NDFIP2: variants seen among roughly 807,000 people sequenced by gnomAD.
NDFIP2 encodes NEDD4 family-interacting protein 2.
NDFIP2 carries 19 observed loss-of-function variants against 36.0 expected under a neutral mutation model. The ratio of observed to expected loss-of-function variants is 0.53; its 90% CI spans 0.37 to 0.77. The LOEUF is 0.77. Ranked by LOEUF, NDFIP2 falls within the 30% of genes least tolerant of loss-of-function variation. The pLI, the probability that NDFIP2 is intolerant of heterozygous loss-of-function variation, is 0.00. For synonymous variants in NDFIP2, 181 were observed against 167.7 expected, an observed-to-expected ratio of 1.08 and a Z score of -0.61; for missense variants, 446 against 435.8, an observed-to-expected ratio of 1.02 and a Z score of -0.21.
intron 1 of NDFIP2, among the ~76,000 whole-genome samples, chr13:79,490,638 A>C (rs142105768): frequency 3.3e-4 from 51 of 152,248 alleles, no homozygotes; most frequent in Non-Finnish European, 1.5e-5. Flanking sequence ...TTGCAAAAAC[A>C]GTGTGCTGGA....
chr13:79,512,448 G>C (rs1205719202), intron 1 of NDFIP2, among the ~76,000 whole-genome samples: 2 of 150,262 alleles, frequency 1.3e-5, no homozygotes, highest in Admixed American at 1.3e-4. Flanking sequence ...ACTGGCTTTT[G>C]AGGAAAAAAA....
chr13:79,507,029 A>T (rs1873894697), intron 1 of NDFIP2, among the ~76,000 whole-genome samples: 1 of 151,932 alleles, frequency 6.6e-6, no homozygotes, highest in South Asian at 2.1e-4. Context: ...GAGATATGAA[A>T]TCCCTGCCAT....
chr13:79,484,356 G>A (rs758882580), intron 1 of NDFIP2, among the ~76,000 whole-genome samples: 9 of 152,122 alleles, frequency 5.9e-5, no homozygotes, highest in Admixed American at 6.5e-5. Context: ...GTACCAAGCT[G>A]ACTTCTAAGA....
At chr13:79,527,933 G>T (rs1040423285) in intron 2 of NDFIP2, among the ~76,000 whole-genome samples, 4 of 152,044 alleles carry the variant, frequency 2.6e-5, no homozygotes, top group African/African-American at 7.2e-5. Context: ...ACCCTTTGTA[G>T]GCCTAAGCTA....
rs1195889229 is a variant in NDFIP2, at chr13:79,481,239, C to G, written c.36C>G (p.Ser12Arg). ...ARRRSQRVCA[S>R]GPSMLNSARG... ...GGCGGAGCCAGCGAGTCTGCGCGAG[C>G]GGTCCGAGCATGCTCAATAGCGCGC... is the stretch of plus-strand genomic sequence containing the variant. The change falls in exon 1 of 8, where the codon AGC (serine) becomes AGG (arginine). Residue 12 changes from serine to arginine, a missense_variant. This residue lies in a region of NDFIP2 where 369 missense variants were observed against 304.8 expected (regional missense o/e 1.21). Transcript: ENST00000218652. 1.3e-6 allele frequency: 2 copies of G among 1,523,286 alleles called. No homozygotes were observed. Among genetic ancestry groups the G allele is most frequent in the Non-Finnish European group, 1.8e-6 (2 of 1,140,782 alleles). The allele number at this position is 1,523,286 out of a possible 1,614,324, so 94.4% of individuals were successfully genotyped here.
rs1365448964 is a variant in NDFIP2 at position 79,556,005 on chromosome 13, T to TGTG, written c.*3492_*3493insGTG. On this transcript the variant is annotated 3_prime_UTR_variant, in exon 8 of 8. Coordinates refer to ENST00000218652, the MANE Select transcript of NDFIP2 (RefSeq NM_019080.3). ...TGGGGTTGCAACATCTTTTAACTTCTCAGTTATTTGTATGTCAGGAGACAG... is the reference window on the plus strand; with the variant it reads ...TGGGGTTGCAACATCTTTTAACTTCTGTGCAGTTATTTGTATGTCAGGAGACAG... 1 of 152,188 alleles carries TGTG rather than the reference T, an allele frequency of 6.6e-6. No individual in the cohort carries two copies. Among genetic ancestry groups the TGTG allele is most frequent in the African/African-American group, 2.4e-5 (1 of 41,460 alleles). 9.4% of individuals were successfully genotyped at this position (152,188 alleles called of 1,614,324 possible).
At chr13:79,487,944 AAAG>A (rs1473335007) in intron 1 of NDFIP2, among the ~76,000 whole-genome samples, 1 of 152,148 alleles carries the variant, frequency 6.6e-6, no homozygotes, top group Non-Finnish European at 1.5e-5. Flanking sequence ...TCTATAATTG[AAAG>A]AAGGAGGTAG....
intron 3 of NDFIP2, among the ~76,000 whole-genome samples, chr13:79,538,961 G>GC (rs1439665902): frequency 6.6e-6 from 1 of 152,194 alleles, no homozygotes; most frequent in East Asian, 1.9e-4. Context: ...GGGTAGCTCT[G>GC]CCCCTGAGGC....
chr13:79,528,127 A>G (rs969480855), intron 2 of NDFIP2, among the ~76,000 whole-genome samples: 14 of 152,124 alleles, frequency 9.2e-5, no homozygotes, highest in South Asian at 6.2e-4. Flanking sequence ...GGGTGTGGCA[A>G]TGCACACCCG....
chr13:79,495,373 GCT>G (rs1320836387), intron 1 of NDFIP2, among the ~76,000 whole-genome samples: 3 of 151,756 alleles, frequency 2.0e-5, no homozygotes, highest in African/African-American at 4.8e-5. Flanking sequence ...TCTAAATTCT[GCT>G]CTCTTATGAA....
At chr13:79,548,840 A>G (rs1594861396) in intron 6 of NDFIP2, among the ~76,000 whole-genome samples, 1 of 152,058 alleles carries the variant, frequency 6.6e-6, no homozygotes, top group South Asian at 2.1e-4. Flanking sequence ...GCATAAGGAA[A>G]GGCTTTATGC....
intron 1 of NDFIP2, among the ~76,000 whole-genome samples, chr13:79,486,925 A>G (rs1873015111): frequency 1.3e-5 from 2 of 152,200 alleles, no homozygotes; most frequent in Admixed American, 6.5e-5. Flanking sequence ...TAGGCTATAT[A>G]TACCATCTAG....
At position 79,551,024 on chromosome 13, in the gene NDFIP2, C is replaced by G. The variant is rs779588009; in HGVS notation, c.915C>G (p.Leu305=). The G allele has an allele frequency of 1.0e-5, 16 of 1,594,274 alleles. No individual in the cohort carries two copies. Among genetic ancestry groups the G allele is most frequent in the East Asian group, 2.3e-5 (1 of 44,112 alleles). Residue 305 remains leucine (L), a synonymous_variant, in exon 7 of 8, where the codon CTC becomes CTG. Transcript: ENST00000218652. The part of the protein sequence containing the change: ...LWWIFLVLGL[L]LFFRGFVNYL... ...TTATTTCAACCTTCTCAGGCCTGCTCCTTTTCTTCAGAGGATTTGTTAATT... is the reference window on the plus strand; with the variant it reads ...TTATTTCAACCTTCTCAGGCCTGCTGCTTTTCTTCAGAGGATTTGTTAATT...
At chr13:79,497,268 A>G (rs556658743) in intron 1 of NDFIP2, among the ~76,000 whole-genome samples, 3 of 152,092 alleles carry the variant, frequency 2.0e-5, no homozygotes, top group Non-Finnish European at 2.9e-5. Flanking sequence ...GATCAGTCCT[A>G]CATGTGCATG....
At chr13:79,510,572 G>A (rs965924012) in intron 1 of NDFIP2, among the ~76,000 whole-genome samples, 2 of 151,976 alleles carry the variant, frequency 1.3e-5, no homozygotes, top group African/African-American at 2.4e-5. Flanking sequence ...ACCCCACAAT[G>A]GATTCAGAAG....
chr13:79,486,350 C>T (rs1382941365), intron 1 of NDFIP2, among the ~76,000 whole-genome samples: 1 of 152,098 alleles, frequency 6.6e-6, no homozygotes, highest in Non-Finnish European at 1.5e-5. Flanking sequence ...TACAGTTAAC[C>T]TCCATACAAA....
intron 2 of NDFIP2, among the ~76,000 whole-genome samples, chr13:79,530,548 C>A (rs1874975998): frequency 6.6e-6 from 1 of 152,206 alleles, no homozygotes; most frequent in Non-Finnish European, 1.5e-5. Flanking sequence ...GGACTTCTTC[C>A]AAAACTGGAG....
chr13:79,513,102 C>A (rs1255254543), intron 1 of NDFIP2, among the ~76,000 whole-genome samples: 12 of 152,118 alleles, frequency 7.9e-5, no homozygotes, highest in Admixed American at 7.9e-4. Flanking sequence ...TACCTTTGAC[C>A]CAGGTATCCT....
intron 1 of NDFIP2, among the ~76,000 whole-genome samples, chr13:79,500,689 A>G (rs1488508881): frequency 6.6e-6 from 1 of 152,076 alleles, no homozygotes; most frequent in East Asian, 1.9e-4. Flanking sequence ...ATGTGGAACA[A>G]GAACTCTCAT....
Sources: allele counts gnomAD v4.1 joint callset (sites outside exome capture counted in the v4.1 genomes callset), GRCh38; gene constraint gnomAD v4.1.1; regional missense constraint gnomAD v4.1.1; transcripts MANE v1.5; gene names NCBI Gene and HGNC (gene_info 2026-07-23, HGNC 2026-07-21).